Variants in MFSD11 observed in about 807,000 individuals in gnomAD.
MFSD11 encodes UNC93-like protein MFSD11.
In MFSD11, 36 loss-of-function variants were observed where a neutral mutation model predicts 53.5. The ratio of observed to expected loss-of-function variants is 0.67; its 90% CI spans 0.52 to 0.89. The LOEUF (loss-of-function observed/expected upper bound fraction) is 0.89. MFSD11 is among the 40% of genes least tolerant of loss of function. The pLI, the probability that MFSD11 is intolerant of heterozygous loss-of-function variation, is 0.00. For synonymous variants in MFSD11, 186 were observed against 184.9 expected (o/e 1.01, Z -0.05); for missense variants, 530 against 543.9 (o/e 0.97, Z 0.25).
chr17:76,777,516 T>C (rs982226560), intron 12 of MFSD11, among the ~76,000 whole-genome samples: 1 of 152,238 alleles, frequency 6.6e-6, no homozygotes, highest in African/African-American at 2.4e-5. Context: ...ATTATAAACA[T>C]GAGCCACCGC....
At chr17:76,770,931 C>T (rs1258584935) in intron 10 of MFSD11, among the ~76,000 whole-genome samples, 1 of 152,188 alleles carries the variant, frequency 6.6e-6, no homozygotes. Flanking sequence ...AATCATTGGC[C>T]ACATGGCCGG....
chr17:76,787,781 G>A, the MFSD11 span, among the ~76,000 whole-genome samples: 1 of 125,662 alleles, frequency 8.0e-6, no homozygotes, highest in Non-Finnish European at 1.5e-5. Context: ...AGCCATGACC[G>A]GGGAAAAAAG....
chr17:76,775,554 T>A (rs964382949), intron 11 of MFSD11, among the ~76,000 whole-genome samples: 1 of 152,152 alleles, frequency 6.6e-6, no homozygotes, highest in East Asian at 1.9e-4. Flanking sequence ...TCCAGAGCAG[T>A]TTATATAACG....
At chr17:76,783,044 G>T (rs974546766), downstream of MFSD11, among the ~76,000 whole-genome samples, 3 of 151,628 alleles carry the variant, frequency 2.0e-5, no homozygotes, top group Admixed American at 6.6e-5. Context: ...AAGTGTGGTG[G>T]CAGGAGCCTG....
chr17:76,742,119 T>C, intron 4 of MFSD11, 58 bp from the exon 5 acceptor site: 5 of 1,613,824 alleles, frequency 3.1e-6, no homozygotes, highest in Non-Finnish European at 4.2e-6. Context: ...TTTATGTGTT[T>C]AGTATGTGAC....
downstream of MFSD11, among the ~76,000 whole-genome samples, chr17:76,784,252 CA>C (rs758964322): frequency 3.9e-5 from 6 of 152,154 alleles, no homozygotes; most frequent in Non-Finnish European, 5.9e-5. Flanking sequence ...AATGGATAAA[CA>C]GGCCAGGCAC....
chr17:76,769,568 G>A (rs2081199044), intron 9 of MFSD11, 178 bp from the exon 10 acceptor site: 1 of 494,770 alleles, frequency 2.0e-6, no homozygotes, highest in South Asian at 2.8e-5. Context: ...ATAGCATGAA[G>A]CTAATTCCAT....
intron 7 of MFSD11, among the ~76,000 whole-genome samples, chr17:76,748,474 G>A (rs1184415536): frequency 6.6e-6 from 1 of 151,660 alleles, no homozygotes; most frequent in Non-Finnish European, 1.5e-5. Context: ...GATCGCTTGA[G>A]CCCTGTTTGA....
intron 10 of MFSD11, among the ~76,000 whole-genome samples, chr17:76,774,122 C>T (rs563129537): frequency 1.3e-5 from 2 of 152,074 alleles, no homozygotes; most frequent in Non-Finnish European, 1.5e-5. Context: ...GACAGGGTTT[C>T]ACCATGTTGG....
At chr17:76,770,304 C>G (rs940494980) in intron 10 of MFSD11, among the ~76,000 whole-genome samples, 8 of 152,106 alleles carry the variant, frequency 5.3e-5, no homozygotes, top group African/African-American at 1.9e-4. Flanking sequence ...TCCCAAAGTG[C>G]TGGGATTACA....
chr17:76,772,771 C>T (rs1456153330), intron 10 of MFSD11, among the ~76,000 whole-genome samples: 2 of 152,106 alleles, frequency 1.3e-5, no homozygotes, highest in Non-Finnish European at 2.9e-5. Flanking sequence ...CCACCTCGGC[C>T]TCCCAAAGTG....
chr17:76,773,640 C>T (rs1177918377), intron 10 of MFSD11, among the ~76,000 whole-genome samples: 5 of 152,060 alleles, frequency 3.3e-5, no homozygotes, highest in African/African-American at 1.2e-4. Context: ...GACGGAGTCT[C>T]GCTCAGTTGC....
downstream of MFSD11, among the ~76,000 whole-genome samples, chr17:76,782,680 A>G (rs962123082): frequency 6.7e-6 from 1 of 149,526 alleles, no homozygotes; most frequent in Non-Finnish European, 1.5e-5. Context: ...GGGCTTCACC[A>G]TGTTGGCCAG....
chr17:76,785,487 C>G (rs960421514), downstream of MFSD11, among the ~76,000 whole-genome samples: 10 of 152,032 alleles, frequency 6.6e-5, no homozygotes, highest in Admixed American at 1.3e-4. Flanking sequence ...ACAAGCGCAT[C>G]CCACCACACT....
chr17:76,780,880 C>T (rs2082149192), downstream of MFSD11, among the ~76,000 whole-genome samples: 1 of 152,088 alleles, frequency 6.6e-6, no homozygotes, highest in Non-Finnish European at 1.5e-5. Flanking sequence ...CTTAGTTGAT[C>T]CTATATAAAT....
At chr17:76,739,942 G>A (rs1160966559) in intron 2 of MFSD11, among the ~76,000 whole-genome samples, 2 of 152,026 alleles carry the variant, frequency 1.3e-5, no homozygotes, top group African/African-American at 4.8e-5. Flanking sequence ...GGAGGTGGGC[G>A]GATCACGAGG....
At chr17:76,763,826 C>T (rs2080527164) in intron 8 of MFSD11, among the ~76,000 whole-genome samples, 1 of 150,628 alleles carries the variant, frequency 6.6e-6, no homozygotes, top group Non-Finnish European at 1.5e-5. Context: ...GTATAACTTA[C>T]AAAAATTGTA....
At chr17:76,751,263 G>A (rs1239497566) in intron 7 of MFSD11, among the ~76,000 whole-genome samples, 5 of 151,698 alleles carry the variant, frequency 3.3e-5, no homozygotes, top group South Asian at 2.1e-4. Context: ...AGTGGCAGGC[G>A]CCTGTAGTCC....
At chr17:76,798,148 A>G in the MFSD11 span, among the ~76,000 whole-genome samples, 127 of 152,168 alleles carry the variant, frequency 8.3e-4, no homozygotes, top group South Asian at 0.014. Flanking sequence ...TCAGCCTCCC[A>G]AAGTGCTGGG....
Sources: allele counts gnomAD v4.1 joint callset (sites outside exome capture counted in the v4.1 genomes callset), GRCh38; gene constraint gnomAD v4.1.1; transcripts MANE v1.5; gene names NCBI Gene and HGNC (gene_info 2026-07-23, HGNC 2026-07-21).